GPC5: variants seen among roughly 807,000 people sequenced by gnomAD.
The protein encoded by GPC5 is glypican-5.
Under a neutral mutation model 53.9 loss-of-function variants are expected in GPC5, and 47 were observed. That is an observed-to-expected ratio of 0.87 (90% confidence interval 0.69 to 1.11). The LOEUF is 1.11. GPC5 is among the 50% of genes most tolerant of loss of function. The pLI is 0.00. For missense variants in GPC5, 748 were observed against 713.1 expected, an observed-to-expected ratio of 1.05 and a Z score of -0.56; for synonymous variants, 286 against 263.3, an observed-to-expected ratio of 1.09 and a Z score of -0.84.
intron 1 of GPC5, among the ~76,000 whole-genome samples, chr13:91,421,143 A>G (rs948821332): frequency 1.3e-5 from 2 of 152,196 alleles, no homozygotes; most frequent in African/African-American, 4.8e-5. Flanking sequence ...AGTCACCAGG[A>G]GGTGAACTGA....
intron 7 of GPC5, among the ~76,000 whole-genome samples, chr13:92,254,226 A>G (rs1317361674): frequency 2.0e-5 from 3 of 152,162 alleles, no homozygotes; most frequent in Non-Finnish European, 2.9e-5. Flanking sequence ...GAGCATGGGA[A>G]CAAATTGAGG....
intron 7 of GPC5, among the ~76,000 whole-genome samples, chr13:92,175,651 T>TA (rs1443105665): frequency 6.6e-6 from 1 of 152,110 alleles, no homozygotes; most frequent in Non-Finnish European, 1.5e-5. Context: ...AAAAGTCACT[T>TA]AAAAAAACTC....
intron 6 of GPC5, among the ~76,000 whole-genome samples, chr13:91,914,380 C>A (rs1255650848): frequency 6.6e-6 from 1 of 151,988 alleles, no homozygotes; most frequent in African/African-American, 2.4e-5. Flanking sequence ...TTAAACCTAA[C>A]AATTCAAATA....
chr13:92,547,470 A>T (rs1421673410), intron 7 of GPC5, among the ~76,000 whole-genome samples: 1 of 152,200 alleles, frequency 6.6e-6, no homozygotes, highest in Non-Finnish European at 1.5e-5. Flanking sequence ...TGTGGACGGA[A>T]GGAAGTCTCC....
intron 2 of GPC5, among the ~76,000 whole-genome samples, chr13:91,524,000 C>CTAAT (rs889836892): frequency 6.6e-6 from 1 of 151,614 alleles, no homozygotes; most frequent in Non-Finnish European, 1.5e-5. Flanking sequence ...ATTTATTATC[C>CTAAT]TAATTTTTTG....
chr13:92,201,450 A>G (rs534228424), intron 7 of GPC5, among the ~76,000 whole-genome samples: 35 of 152,190 alleles, frequency 2.3e-4, no homozygotes, highest in African/African-American at 8.0e-4. Flanking sequence ...AGGTTACACT[A>G]TGGTTCAGCA....
chr13:91,912,180 G>A (rs1173765507), intron 6 of GPC5, among the ~76,000 whole-genome samples: 2 of 152,160 alleles, frequency 1.3e-5, no homozygotes, highest in East Asian at 1.9e-4. Flanking sequence ...TTTATTAAAT[G>A]TATTGGGCAC....
At chr13:91,554,778 C>G (rs934521082) in intron 2 of GPC5, among the ~76,000 whole-genome samples, 8 of 152,042 alleles carry the variant, frequency 5.3e-5, no homozygotes, top group Non-Finnish European at 1.0e-4. Context: ...GAATTTCAAA[C>G]AAACCCACAT....
intron 7 of GPC5, among the ~76,000 whole-genome samples, chr13:92,756,117 A>C (rs1485379324): frequency 6.6e-6 from 1 of 151,808 alleles, no homozygotes; most frequent in East Asian, 1.9e-4. Context: ...CAGCACATCA[A>C]AAAGCTTATC....
intron 7 of GPC5, among the ~76,000 whole-genome samples, chr13:92,431,158 T>A (rs1437794283): frequency 3.9e-5 from 6 of 152,152 alleles, no homozygotes; most frequent in Non-Finnish European, 7.4e-5. Context: ...AACAAACACT[T>A]ATTAACCACT....
intron 5 of GPC5, among the ~76,000 whole-genome samples, chr13:91,866,005 T>C (rs1053148972): frequency 2.6e-5 from 4 of 152,152 alleles, no homozygotes; most frequent in South Asian, 2.1e-4. Flanking sequence ...GTAGCTGGGA[T>C]TATAGGCATG....
At chr13:91,685,574 A>G (rs1479833684) in intron 2 of GPC5, among the ~76,000 whole-genome samples, 1 of 152,200 alleles carries the variant, frequency 6.6e-6, no homozygotes, top group Admixed American at 6.6e-5. Context: ...ACCTAACATA[A>G]CAATAAATCA....
chr13:92,095,393 G>A (rs1397769459), intron 6 of GPC5, among the ~76,000 whole-genome samples: 2 of 151,880 alleles, frequency 1.3e-5, no homozygotes, highest in African/African-American at 2.4e-5. Flanking sequence ...CGTCATCCAG[G>A]CTGGAGTGTA....
At chr13:92,257,545 G>GGTTTTTTTTTTTTTTT (rs1566507028) in intron 7 of GPC5, among the ~76,000 whole-genome samples, 1 of 50,048 alleles carries the variant, frequency 2.0e-5, no homozygotes, top group Non-Finnish European at 3.8e-5. Context: ...CTAATACAGG[G>GGTTTTTTTTTTTTTTT]ATTTTTTTTT....
At chr13:92,100,114 A>C (rs1004711586) in intron 6 of GPC5, among the ~76,000 whole-genome samples, 1 of 152,182 alleles carries the variant, frequency 6.6e-6, no homozygotes, top group African/African-American at 2.4e-5. Context: ...CATTAAAAAA[A>C]TAAAAAGTAT....
intron 5 of GPC5, among the ~76,000 whole-genome samples, chr13:91,782,267 T>C (rs1008699217): frequency 6.6e-6 from 1 of 152,166 alleles, no homozygotes; most frequent in Admixed American, 6.5e-5. Flanking sequence ...TGTTTTCTCA[T>C]TCAAAAGTGA....
intron 2 of GPC5, among the ~76,000 whole-genome samples, chr13:91,573,035 T>C (rs1241647402): frequency 3.3e-5 from 5 of 152,164 alleles, no homozygotes; most frequent in African/African-American, 9.7e-5. Context: ...CTGAGAGAAG[T>C]TGAACAATGG....
intron 7 of GPC5, among the ~76,000 whole-genome samples, chr13:92,205,209 G>A (rs1200339651): frequency 6.6e-6 from 1 of 151,714 alleles, no homozygotes; most frequent in Non-Finnish European, 1.5e-5. Context: ...TTGTTTATTT[G>A]TTTGTTTTTT....
rs1555325775 is a variant in GPC5, at chr13:91,571,769, GTATATACACACACATATACGTGTGTGTA to G, written c.326-121401_326-121374del. Among the ~76,000 whole-genome samples, 10 of 114,356 alleles carry G rather than the reference GTATATACACACACATATACGTGTGTGTA, an allele frequency of 8.7e-5. 1 individual carries two copies. The South Asian group carries it at 1.3e-3, about 15-fold the overall frequency. The allele number at this position is 114,356 out of a possible 152,430, so 75.0% of individuals were successfully genotyped here. On this transcript the variant is annotated intron_variant, in intron 2 of 7. Coordinates refer to ENST00000377067, the MANE Select transcript of GPC5 (RefSeq NM_004466.6). ...TATACACACATATACATGTGTATGT[GTATATACACACACATATACGTGTGTGTA>G]TATATACACACACATACGTGTGTGT...
Sources: allele counts gnomAD v4.1 joint callset (sites outside exome capture counted in the v4.1 genomes callset), GRCh38; gene constraint gnomAD v4.1.1; transcripts MANE v1.5; gene names NCBI Gene and HGNC (gene_info 2026-07-23, HGNC 2026-07-21).